EPHA6: variants seen among roughly 807,000 people sequenced by gnomAD.
The protein encoded by EPHA6 is ephrin type-A receptor 6.
A neutral mutation model predicts 112.0 loss-of-function variants in EPHA6; 50 were observed. The observed-to-expected ratio is 0.45, with a 90% CI of 0.36 to 0.56. The LOEUF (loss-of-function observed/expected upper bound fraction) is 0.56, where lower values mean the gene tolerates loss of function less well. Among genes scored for constraint, EPHA6 ranks in the 20% least tolerant of loss-of-function variants. The pLI, the probability that EPHA6 is intolerant of heterozygous loss-of-function variation, is 0.00. For synonymous variants in EPHA6, 529 were observed against 490.7 expected (o/e 1.08, Z -1.03); for missense variants, 1,280 against 1,417.4 (o/e 0.90, Z 1.56).
At chr3:97,421,975 A>G (rs879384231) in intron 6 of EPHA6, among the ~76,000 whole-genome samples, 39 of 152,142 alleles carry the variant, frequency 2.6e-4, no homozygotes, top group Non-Finnish European at 1.5e-4. Flanking sequence ...CAAGTGTTCT[A>G]AGGACAAAAT....
chr3:97,323,580 T>G (rs2082224648), intron 5 of EPHA6, among the ~76,000 whole-genome samples: 1 of 151,926 alleles, frequency 6.6e-6, no homozygotes, highest in Non-Finnish European at 1.5e-5. Context: ...CTTATGAAAC[T>G]TGTTAAATAT....
chr3:97,001,024 A>ATTTTCTT (rs2043640742), intron 3 of EPHA6, among the ~76,000 whole-genome samples: 1 of 148,416 alleles, frequency 6.7e-6, no homozygotes, highest in Non-Finnish European at 1.5e-5. Context: ...ATTGATATAT[A>ATTTTCTT]TATATATGCA....
chr3:97,252,409 TCACACACATA>T (rs1261875676), intron 5 of EPHA6, among the ~76,000 whole-genome samples: 1 of 151,656 alleles, frequency 6.6e-6, no homozygotes, highest in Non-Finnish European at 1.5e-5. Context: ...ACACACACAC[TCACACACATA>T]CACACACACA....
At chr3:97,318,439 T>C (rs1469402663) in intron 5 of EPHA6, among the ~76,000 whole-genome samples, 1 of 152,062 alleles carries the variant, frequency 6.6e-6, no homozygotes, top group Non-Finnish European at 1.5e-5. Flanking sequence ...CTTTTCACAC[T>C]TGGTGTTCTT....
intron 3 of EPHA6, among the ~76,000 whole-genome samples, chr3:97,030,956 C>G (rs2044810818): frequency 1.3e-5 from 2 of 151,896 alleles, no homozygotes; most frequent in East Asian, 3.9e-4. Flanking sequence ...AATTTAAATT[C>G]AAAGAGTTAA....
At chr3:97,480,946 C>G (rs2091521387) in intron 9 of EPHA6, among the ~76,000 whole-genome samples, 1 of 151,972 alleles carries the variant, frequency 6.6e-6, no homozygotes, top group African/African-American at 2.4e-5. Context: ...CTCCTCACTT[C>G]CTAGACGGGA....
chr3:97,287,262 A>G (rs765791355), intron 5 of EPHA6, among the ~76,000 whole-genome samples: 10 of 152,098 alleles, frequency 6.6e-5, no homozygotes, highest in Non-Finnish European at 1.3e-4. Context: ...TGCTCTGGCT[A>G]GGACTTGGCA....
At chr3:97,460,201 C>G (rs1168060122) in intron 7 of EPHA6, among the ~76,000 whole-genome samples, 1 of 152,194 alleles carries the variant, frequency 6.6e-6, no homozygotes, top group African/African-American at 2.4e-5. Context: ...GACTTGGTTT[C>G]TTGGCTCATG....
At chr3:97,106,879 T>C (rs1418750863) in intron 3 of EPHA6, among the ~76,000 whole-genome samples, 1 of 151,966 alleles carries the variant, frequency 6.6e-6, no homozygotes, top group Non-Finnish European at 1.5e-5. Context: ...GATAAGGAAA[T>C]TTTTCTCATT....
intron 5 of EPHA6, among the ~76,000 whole-genome samples, chr3:97,376,384 C>T (rs2085356407): frequency 6.6e-6 from 1 of 152,112 alleles, no homozygotes; most frequent in Non-Finnish European, 1.5e-5. Flanking sequence ...GATCATCTGG[C>T]TAGTAGAACT....
intron 3 of EPHA6, among the ~76,000 whole-genome samples, chr3:97,203,302 C>G (rs2077628186): frequency 6.6e-6 from 1 of 151,978 alleles, no homozygotes; most frequent in Non-Finnish European, 1.5e-5. Context: ...TGGATATTAG[C>G]AGTGGAGATG....
chr3:97,350,812 T>A (rs2083774285), intron 5 of EPHA6, among the ~76,000 whole-genome samples: 1 of 150,010 alleles, frequency 6.7e-6, no homozygotes, highest in African/African-American at 2.5e-5. Context: ...TTTCTACATC[T>A]GAAGCCCTCA....
intron 5 of EPHA6, among the ~76,000 whole-genome samples, chr3:97,252,557 C>T (rs560958601): frequency 6.6e-6 from 1 of 152,280 alleles, no homozygotes; most frequent in African/African-American, 2.4e-5. Context: ...GTGGTCCTAC[C>T]TGCACTGAGG....
intron 10 of EPHA6, among the ~76,000 whole-genome samples, chr3:97,490,245 ATG>A (rs2091806180): frequency 3.9e-5 from 6 of 152,198 alleles, no homozygotes; most frequent in Admixed American, 3.9e-4. Flanking sequence ...ATTGCATAAT[ATG>A]TGCAAATAAA....
chr3:97,198,856 G>A (rs1321054678), intron 3 of EPHA6, among the ~76,000 whole-genome samples: 2 of 152,026 alleles, frequency 1.3e-5, no homozygotes, highest in South Asian at 2.1e-4. Context: ...GTTTTCACTG[G>A]CTTAAAGTTT....
intron 2 of EPHA6, among the ~76,000 whole-genome samples, chr3:96,980,949 G>T (rs562217746): frequency 3.3e-4 from 50 of 152,186 alleles, no homozygotes; most frequent in African/African-American, 1.2e-3. Flanking sequence ...GGAGATTTTG[G>T]GCTGAGACGA....
At chr3:97,090,661 A>G (rs375853930) in intron 3 of EPHA6, among the ~76,000 whole-genome samples, 18 of 152,120 alleles carry the variant, frequency 1.2e-4, no homozygotes, top group East Asian at 5.8e-4. Context: ...TCTTTTTGAT[A>G]TAGTACATAT....
intron 14 of EPHA6, among the ~76,000 whole-genome samples, chr3:97,708,915 C>T (rs1255843586): frequency 6.6e-6 from 1 of 152,158 alleles, no homozygotes; most frequent in Non-Finnish European, 1.5e-5. Flanking sequence ...AAGAATTGAG[C>T]TTTGGGGGCA....
At chr3:97,660,727 T>C (rs1405625223) in intron 14 of EPHA6, among the ~76,000 whole-genome samples, 1 of 152,112 alleles carries the variant, frequency 6.6e-6, no homozygotes, top group Non-Finnish European at 1.5e-5. Flanking sequence ...TAATTCTGGA[T>C]TCATTGTGAT....
Sources: allele counts gnomAD v4.1 joint callset (sites outside exome capture counted in the v4.1 genomes callset), GRCh38; gene constraint gnomAD v4.1.1; transcripts MANE v1.5; gene names NCBI Gene and HGNC (gene_info 2026-07-23, HGNC 2026-07-21).